SLC6A15: variants seen among roughly 807,000 people sequenced by gnomAD.
SLC6A15 encodes the protein sodium-dependent neutral amino acid transporter B(0)AT2.
In SLC6A15, 33 loss-of-function variants were observed where a neutral mutation model predicts 68.5. The ratio of observed to expected loss-of-function variants is 0.48; its 90% confidence interval spans 0.37 to 0.64. The LOEUF is 0.64. SLC6A15 is among the 30% of genes least tolerant of loss of function. SLC6A15 has a pLI of 0.00. For synonymous variants in SLC6A15, 347 were observed against 301.0 expected (o/e 1.15, Z -1.58); for missense variants, 747 against 874.3 (o/e 0.85, Z 1.84).
intron 5 of SLC6A15, among the ~76,000 whole-genome samples, chr12:84,877,371 A>G (rs1322663276): frequency 1.3e-5 from 2 of 152,122 alleles, no homozygotes; most frequent in African/African-American, 4.8e-5. Flanking sequence ...TATTCTCCTA[A>G]CTGAATTGCT....
intron 1 of SLC6A15, among the ~76,000 whole-genome samples, chr12:84,911,066 C>T (rs532010827): frequency 4.6e-5 from 7 of 152,180 alleles, no homozygotes; most frequent in Non-Finnish European, 8.8e-5. Context: ...GCGCCTAAGA[C>T]ATAAATAGGT....
In SLC6A15 at chr12:84,870,485, A is replaced by T. The variant is rs372262848; in HGVS notation, c.1488T>A (p.Ile496=). 7 of 1,529,256 alleles carry T rather than the reference A, an allele frequency of 4.6e-6. No homozygotes were observed. Among genetic ancestry groups the T allele is most frequent in the Non-Finnish European group, 6.2e-6 (7 of 1,137,732 alleles). The allele number at this position is 1,529,256 out of a possible 1,614,324, so 94.7% of individuals were successfully genotyped here. ...CAAATACAAAAAACTCACCAGTAAG[A>T]ATTTCTTTCCTCACTTTGAAAGTGT... ...IVDTFKVRKE[I]LTVICCLLAF... The change falls in exon 9 of 12, where the codon ATT becomes ATA. Residue 496 remains isoleucine, a synonymous_variant. Transcript: ENST00000266682.
At position 84,892,735 on chromosome 12, in the gene SLC6A15, C is replaced by T. The variant is rs150375018; in HGVS notation, c.-188-427G>A. Among the ~76,000 whole-genome samples the T allele has an allele frequency of 3.2e-3, 494 of 152,232 alleles. 5 individuals carry two copies. The highest frequency in any genetic ancestry group is 6.6e-3 in the South Asian group (32 of 4,832). On this transcript the variant is annotated intron_variant, in intron 1 of 11. Coordinates refer to ENST00000266682, the MANE Select transcript of SLC6A15 (RefSeq NM_182767.6). ...TGTCTCATATATAATCTCTTCTGTT[C>T]AAACATTCGTCATTCACTCATTTGA...
intron 10 of SLC6A15, among the ~76,000 whole-genome samples, chr12:84,865,654 T>C (rs929294479): frequency 1.1e-4 from 16 of 152,180 alleles, no homozygotes; most frequent in Admixed American, 9.2e-4. Context: ...ACTGCTGATG[T>C]TTTTACTGTT....
chr12:84,902,769 C>T (rs1191723695), intron 1 of SLC6A15, among the ~76,000 whole-genome samples: 1 of 151,884 alleles, frequency 6.6e-6, no homozygotes, highest in Non-Finnish European at 1.5e-5. Context: ...ACATATATAA[C>T]AATTTTTATA....
chr12:84,911,652 C>G (rs920884613), intron 1 of SLC6A15, among the ~76,000 whole-genome samples: 10 of 152,186 alleles, frequency 6.6e-5, no homozygotes, highest in African/African-American at 2.4e-4. Context: ...CGTCTTGATT[C>G]ATTCTTATGT....
At chr12:84,872,358 AT>A (rs1222454038) in intron 8 of SLC6A15, among the ~76,000 whole-genome samples, 1 of 152,104 alleles carries the variant, frequency 6.6e-6, no homozygotes, top group Non-Finnish European at 1.5e-5. Context: ...CATATTTTAA[AT>A]TATTGTGGCT....
At chr12:84,888,788 C>T (rs1162013720) in intron 2 of SLC6A15, among the ~76,000 whole-genome samples, 3 of 152,088 alleles carry the variant, frequency 2.0e-5, no homozygotes, top group African/African-American at 7.2e-5. Flanking sequence ...AAGCGTGGCA[C>T]GTTGGCATGC....
At chr12:84,891,300 G>T (rs972225863) in intron 2 of SLC6A15, among the ~76,000 whole-genome samples, 1 of 152,150 alleles carries the variant, frequency 6.6e-6, no homozygotes, top group African/African-American at 2.4e-5. Flanking sequence ...AGAATGTCTA[G>T]CATTGTATTA....
chr12:84,871,019 ATAT>A (rs1212109647), intron 8 of SLC6A15, among the ~76,000 whole-genome samples: 13 of 152,050 alleles, frequency 8.5e-5, no homozygotes, highest in Admixed American at 7.9e-4. Context: ...GAATAGTGAC[ATAT>A]TATCATAGAT....
chr12:84,863,682 G>T, intron 10 of SLC6A15, 81 bp from the exon 11 acceptor site: 2 of 1,018,518 alleles, frequency 2.0e-6, no homozygotes, highest in Non-Finnish European at 2.7e-6. Context: ...TTAATGGTCT[G>T]ACAAACATTT....
chr12:84,868,472 C>A (rs1432593318), intron 9 of SLC6A15, among the ~76,000 whole-genome samples: 1 of 152,140 alleles, frequency 6.6e-6, no homozygotes, highest in Non-Finnish European at 1.5e-5. Flanking sequence ...GCCTCAACAG[C>A]CTGTGTCACT....
At chr12:84,908,601 CAT>C (rs3084056) in intron 1 of SLC6A15, among the ~76,000 whole-genome samples, 29,802 of 140,242 alleles carry the variant, frequency 0.21, 3,403 homozygotes, top group Middle Eastern at 0.42. Flanking sequence ...AGTAAAGAAA[CAT>C]ATATATATAT....
At chr12:84,904,646 T>C (rs1873054916) in intron 1 of SLC6A15, among the ~76,000 whole-genome samples, 1 of 152,194 alleles carries the variant, frequency 6.6e-6, no homozygotes, top group Non-Finnish European at 1.5e-5. Flanking sequence ...AGAATAGAAA[T>C]AGGTATTAAC....
At chr12:84,888,657 GTACAAT>G (rs1565728460) in intron 2 of SLC6A15, among the ~76,000 whole-genome samples, 17 of 152,208 alleles carry the variant, frequency 1.1e-4, no homozygotes, top group Admixed American at 9.8e-4. Context: ...TACATATTAT[GTACAAT>G]GTATGCTACT....
intron 9 of SLC6A15, among the ~76,000 whole-genome samples, chr12:84,868,973 A>C (rs1477996475): frequency 6.6e-6 from 1 of 152,312 alleles, no homozygotes; most frequent in East Asian, 1.9e-4. Context: ...AATATAAAGC[A>C]GTTTCTCATT....
At chr12:84,901,394 T>C (rs1277620176) in intron 1 of SLC6A15, among the ~76,000 whole-genome samples, 1 of 151,822 alleles carries the variant, frequency 6.6e-6, no homozygotes, top group Admixed American at 6.6e-5. Context: ...TGCCCTAAAG[T>C]GTTCTATAAT....
At chr12:84,879,102 C>T (rs2120608879) in intron 5 of SLC6A15, among the ~76,000 whole-genome samples, 1 of 151,994 alleles carries the variant, frequency 6.6e-6, no homozygotes, top group South Asian at 2.1e-4. Context: ...TGCATATCAT[C>T]CTTCGTCTTC....
intron 9 of SLC6A15, among the ~76,000 whole-genome samples, chr12:84,869,269 C>T (rs958737044): frequency 6.6e-6 from 1 of 151,998 alleles, no homozygotes; most frequent in East Asian, 1.9e-4. Flanking sequence ...ACCATCCTGG[C>T]TAACACGGTG....
Sources: gnomAD v4.1 joint callset for allele counts (sites outside exome capture counted in the v4.1 genomes callset) on GRCh38, gnomAD v4.1.1 for gene constraint, MANE v1.5 for transcripts, NCBI Gene and HGNC (gene_info 2026-07-23, HGNC 2026-07-21) for gene names.